Variants in ODAD1 observed in about 807,000 individuals in gnomAD.
ODAD1 encodes the protein outer dynein arm docking complex subunit 1, also known as outer dynein arm-docking complex subunit 1.
In ODAD1, 49 loss-of-function variants were observed where a neutral mutation model predicts 67.2. That is an observed-to-expected ratio of 0.73 (90% CI 0.58 to 0.92). The LOEUF is 0.92. Ranked by LOEUF, ODAD1 falls within the 40% of genes least tolerant of loss-of-function variation. The probability of loss-of-function intolerance (pLI) is 0.00; values close to 1 mark genes in which losing one functional copy is unlikely to be tolerated. For synonymous variants in ODAD1, 345 were observed against 393.7 expected, an observed-to-expected ratio of 0.88 and a Z score of 1.46; for missense variants, 897 against 953.7, an observed-to-expected ratio of 0.94 and a Z score of 0.78.
rs768270947 is a variant in ODAD1 at position 48,303,695 on chromosome 19, T to A, written c.943A>T (p.Met315Leu). 5.6e-6 allele frequency: 9 copies of A among 1,613,946 alleles called. No individual in the cohort carries two copies. The East Asian group carries it at 1.1e-4, about 20-fold the overall frequency. ...EDALNKLSQL[M>L]GESDPDLLVQ... ...AACAGGTCAGGGTCACTCTCCCCCA[T>A]CAGCTGGGACAGTTTATTCAGGGCG... Residue 315 changes from methionine (M) to leucine (L), a missense_variant, in exon 10 of 16, where the codon ATG (methionine) becomes TTG (leucine). By Grantham distance (15) the Met-to-Leu change is conservative. Coordinates refer to ENST00000674294, the MANE Select transcript of ODAD1 (RefSeq NM_001364171.2).
chr19:48,307,822 CA>C (rs71181675), intron 7 of ODAD1, among the ~76,000 whole-genome samples: 263 of 99,870 alleles, frequency 2.6e-3, no homozygotes, highest in Middle Eastern at 0.011. Context: ...GACTCCGTCT[CA>C]AAAAAAAAAA....
intron 10 of ODAD1, 184 bp downstream of exon 10, chr19:48,303,466 G>A: frequency 1.5e-6 from 1 of 655,794 alleles, no homozygotes; most frequent in South Asian, 1.9e-5. Flanking sequence ...AGGGGGTGGG[G>A]AGGGGCAGAG....
intron 7 of ODAD1, among the ~76,000 whole-genome samples, chr19:48,307,977 G>A (rs1216187063): frequency 6.6e-6 from 1 of 152,146 alleles, no homozygotes; most frequent in Non-Finnish European, 1.5e-5. Context: ...AGAAAGTGAG[G>A]AAGTACTCCC....
At position 48,312,119 on chromosome 19, in the gene ODAD1, A is replaced by G. The variant is rs1600869365; in HGVS notation, c.361-3T>C. 6.4e-7 allele frequency: 1 copy of G among 1,550,932 alleles called. No individual in the cohort carries two copies. Among genetic ancestry groups the G allele is most frequent in the African/African-American group, 1.4e-5 (1 of 73,134 alleles). ...ATCCGCGTCTCCCACTCCTGGATCT[A>G]CAAGAAAGAGGATGGTACCTGTTTT... On this transcript the variant is annotated splice_polypyrimidine_tract_variant and splice_region_variant and intron_variant, in intron 5 of 15. Coordinates refer to ENST00000674294, the MANE Select transcript of ODAD1 (RefSeq NM_001364171.2).
At position 48,304,149 on chromosome 19, in the gene ODAD1, G is replaced by C; in HGVS notation, c.666-9C>G. 2.5e-6 allele frequency: 4 copies of C among 1,592,402 alleles called. No individual in the cohort carries two copies. Among genetic ancestry groups the C allele is most frequent in the Non-Finnish European group, 3.4e-6 (4 of 1,168,960 alleles). On this transcript the variant is annotated splice_polypyrimidine_tract_variant and intron_variant, in intron 8 of 15. Coordinates refer to ENST00000674294, the MANE Select transcript of ODAD1 (RefSeq NM_001364171.2). ...TGGCCTTCGCCTCCTCCCTGCGGGG[G>C]TCAGCCGGGGTCAGGATGACTGGAG...
Position 48,298,164 on chromosome 19 carries a change from T to C in ODAD1, c.1404+13A>G, listed in dbSNP as rs751016041. 6.2e-7 allele frequency: 1 copy of C among 1,611,814 alleles called. No individual in the cohort carries two copies. Among genetic ancestry groups the C allele is most frequent in the Non-Finnish European group, 8.5e-7 (1 of 1,179,716 alleles). On this transcript the variant is annotated intron_variant, in intron 13 of 15. Coordinates refer to ENST00000674294, the MANE Select transcript of ODAD1 (RefSeq NM_001364171.2). Reference sequence around the variant, plus strand: ...AGACCGGCCTCCTGTCCCGGCTCCCTGCCGTCTCCCACCTGGGCATGTAGG... The same window carrying C: ...AGACCGGCCTCCTGTCCCGGCTCCCCGCCGTCTCCCACCTGGGCATGTAGG...
At chr19:48,321,336 A>T (rs1475642402) in intron 1 of ODAD1, among the ~76,000 whole-genome samples, 1 of 151,970 alleles carries the variant, frequency 6.6e-6, no homozygotes. Flanking sequence ...GAGCCCTGAG[A>T]GGTGCACGGC....
rs866968571 is a variant in ODAD1 at position 48,303,962 on chromosome 19, C to G, written c.844G>C (p.Glu282Gln). The G allele has an allele frequency of 1.9e-6, 3 of 1,613,868 alleles. No individual in the cohort carries two copies. In the Admixed American group the frequency reaches 5.0e-5, roughly 27 times the overall value. Residue 282 changes from glutamate (E) to glutamine (Q), a missense_variant, in exon 9 of 16, where the codon GAA becomes CAA. Glu to Gln is a conservative substitution (Grantham distance 29). Coordinates refer to ENST00000674294, the MANE Select transcript of ODAD1 (RefSeq NM_001364171.2). The part of the protein sequence containing the change: ...QPDPDVLEKR[E>Q]KQAGEVAEGV... ...GCAGCCCCAGCCTCACCCTGCTTTT[C>G]ACGCTTCTCCAGGACATCGGGATCC...
rs529167204 is a variant in ODAD1, at chr19:48,316,139, A to C, written c.360+2248T>G. Among the ~76,000 whole-genome samples, 231 of 152,012 alleles carry C rather than the reference A, an allele frequency of 1.5e-3. 1 individual carries two copies. Among genetic ancestry groups the C allele is most frequent in the Non-Finnish European group, 2.2e-4 (15 of 67,940 alleles). On this transcript the variant is annotated intron_variant, in intron 5 of 15. Transcript: ENST00000674294. ...CACACCTGTAATCCCAGCACTTTGG[A>C]AGGCCGAGGCAGGTGGATCACTTGA... is the stretch of plus-strand genomic sequence containing the variant.
In ODAD1 at chr19:48,298,221, G is replaced by A. The variant is rs199822195; in HGVS notation, c.1360C>T (p.Arg454Trp). The A allele has an allele frequency of 9.9e-5, 159 of 1,613,868 alleles. No homozygotes were observed. Among genetic ancestry groups the A allele is most frequent in the Admixed American group, 1.2e-4 (7 of 60,016 alleles). Residue 454 changes from arginine to tryptophan, a missense_variant, in exon 13 of 16, where the codon CGG (arginine) becomes TGG (tryptophan). Arg to Trp is a moderately radical substitution (Grantham distance 101, BLOSUM62 -3). Transcript: ENST00000674294. ...MGLFLSLIEK[R>W]LVELLTVQAF... ...TGCACTGTCAGGAGCTCCACCAGCC[G>A]CTTCTCAATGAGGCTCAGGAAGAGG... is the stretch of plus-strand genomic sequence containing the variant.
At position 48,303,092 on chromosome 19, in the gene ODAD1, T is replaced by G. The variant is rs1277496349; in HGVS notation, c.992A>C (p.Glu331Ala). 1 of 1,613,386 alleles carries G rather than the reference T, an allele frequency of 6.2e-7. No individual in the cohort carries two copies. The highest frequency in any genetic ancestry group is 1.7e-5 in the Admixed American group (1 of 60,002). Residue 331 changes from glutamate to alanine, a missense_variant, in exon 11 of 16, where the codon GAG becomes GCG. Physicochemically the swap from Glu to Ala is moderately radical, Grantham distance 107. Coordinates refer to ENST00000674294, the MANE Select transcript of ODAD1 (RefSeq NM_001364171.2). ...GTTGAACTCAGCAAAGTTGCGCTCC[T>G]CGACTGGGAGAGTTGGGCAAGGCGG... Reference protein sequence around the residue: ...DLLVQKYLEIEERNFAEFNFI... With the variant: ...DLLVQKYLEIAERNFAEFNFI...
Position 48,304,986 on chromosome 19 carries a change from C to T in ODAD1, c.666-846G>A, listed in dbSNP as rs138367694. On this transcript the variant is annotated intron_variant, in intron 8 of 15. Coordinates refer to ENST00000674294, the MANE Select transcript of ODAD1 (RefSeq NM_001364171.2). ...ATGTACTAAATGCTGCTACATTCTA[C>T]GCTTTAAAATGGTGAATTTTGCCAC... 4.6e-5 allele frequency among the ~76,000 whole-genome samples: 7 copies of T among 152,196 alleles called. No individual in the cohort carries two copies. In the East Asian group the frequency reaches 7.7e-4, roughly 17 times the overall value.
Position 48,303,154 on chromosome 19 carries a change from G to C in ODAD1, c.989-59C>G, listed in dbSNP as rs112965689. ...AGGGAGACAGAGAAACAGAGACAGA[G>C]AGAACAGAGACAGAGAGGCATACAG... On this transcript the variant is annotated intron_variant, in intron 10 of 15. Coordinates refer to ENST00000674294, the MANE Select transcript of ODAD1 (RefSeq NM_001364171.2). 61 of 1,298,014 alleles carry C rather than the reference G, an allele frequency of 4.7e-5. No individual in the cohort carries two copies. The African/African-American group carries it at 6.4e-4, about 14-fold the overall frequency. The allele number at this position is 1,298,014 out of a possible 1,614,324, so 80.4% of individuals were successfully genotyped here. A position where few individuals can be genotyped will look rare whatever the true frequency, so the allele number is the denominator to read the frequency against.
chr19:48,303,121 C>G, intron 10 of ODAD1, 26 bp from the exon 11 acceptor site: 2 of 1,549,680 alleles, frequency 1.3e-6, no homozygotes, highest in Non-Finnish European at 1.8e-6. Context: ...AAGGCGGGGC[C>G]CAGAGAGAGG....
intron 5 of ODAD1, among the ~76,000 whole-genome samples, chr19:48,312,439 G>C (rs1017232623): frequency 9.0e-6 from 1 of 111,682 alleles, no homozygotes; most frequent in African/African-American, 3.4e-5. Context: ...TTTTGAGACA[G>C]AGTCTTGCTC....
intron 8 of ODAD1, 93 bp from the exon 9 acceptor site, chr19:48,304,233 G>A: frequency 7.7e-7 from 1 of 1,304,486 alleles, no homozygotes; most frequent in Non-Finnish European, 1.0e-6. Flanking sequence ...GAGGTTGTGG[G>A]GGGTGAGGTG....
At chr19:48,313,944 G>GT (rs1406030740) in intron 5 of ODAD1, among the ~76,000 whole-genome samples, 1 of 151,618 alleles carries the variant, frequency 6.6e-6, no homozygotes, top group Non-Finnish European at 1.5e-5. Flanking sequence ...AGAATGCCAC[G>GT]TAAGGATAAA....
At chr19:48,318,931 C>A in intron 3 of ODAD1, 119 bp from the exon 4 acceptor site, 1 of 653,566 alleles carries the variant, frequency 1.5e-6, no homozygotes, top group Non-Finnish European at 2.7e-6. Context: ...AACTGCAGAT[C>A]CAGCCCCCAA....
At chr19:48,309,962 T>C (rs924800416) in intron 7 of ODAD1, among the ~76,000 whole-genome samples, 5 of 151,974 alleles carry the variant, frequency 3.3e-5, no homozygotes, top group Non-Finnish European at 5.9e-5. Flanking sequence ...CGGCCGGGCG[T>C]GGTGGCTCAT....
Sources: allele counts gnomAD v4.1 joint callset (sites outside exome capture counted in the v4.1 genomes callset), GRCh38; gene constraint gnomAD v4.1.1; transcripts MANE v1.5; gene names NCBI Gene and HGNC (gene_info 2026-07-23, HGNC 2026-07-21).